Variants in DNER observed in about 807,000 individuals in gnomAD.
DNER encodes delta and Notch-like epidermal growth factor-related receptor.
Under a neutral mutation model 78.2 loss-of-function variants are expected in DNER, and 33 were observed. The observed-to-expected ratio is 0.42, with a 90% CI of 0.32 to 0.56. The LOEUF (loss-of-function observed/expected upper bound fraction) is 0.56. DNER is among the 20% of genes least tolerant of loss of function. The pLI is 0.11. For missense variants in DNER, 918 were observed against 975.3 expected, an observed-to-expected ratio of 0.94 and a Z score of 0.78; for synonymous variants, 417 against 384.8, an observed-to-expected ratio of 1.08 and a Z score of -0.98.
intron 4 of DNER, among the ~76,000 whole-genome samples, chr2:229,563,705 C>CA (rs1697023250): frequency 8.7e-6 from 1 of 115,034 alleles, no homozygotes; most frequent in African/African-American, 3.8e-5. Context: ...CATCATCATC[C>CA]TCCTCACCCC....
At chr2:229,700,293 T>TGC (rs1699723497) in intron 1 of DNER, among the ~76,000 whole-genome samples, 3 of 144,466 alleles carry the variant, frequency 2.1e-5, no homozygotes, top group Non-Finnish European at 3.0e-5. Context: ...TATGTGTGTG[T>TGC]GTGTGTGTGT....
chr2:229,601,536 A>T (rs533497078), intron 1 of DNER, among the ~76,000 whole-genome samples: 42 of 152,352 alleles, frequency 2.8e-4, no homozygotes, highest in African/African-American at 9.6e-4. Flanking sequence ...TCAAAAAATT[A>T]TTCCAAGACT....
chr2:229,432,009 A>G (rs1001710875), intron 8 of DNER, among the ~76,000 whole-genome samples: 1 of 152,102 alleles, frequency 6.6e-6, no homozygotes, highest in Non-Finnish European at 1.5e-5. Context: ...AAAGTGGCCT[A>G]TTTTTCTTAC....
At chr2:229,611,020 C>A (rs1267462417) in intron 1 of DNER, among the ~76,000 whole-genome samples, 1 of 152,256 alleles carries the variant, frequency 6.6e-6, no homozygotes, top group East Asian at 1.9e-4. Flanking sequence ...TTGATGATAC[C>A]ATATCTTACC....
chr2:229,506,750 T>A (rs1295529185), intron 6 of DNER, among the ~76,000 whole-genome samples: 1 of 147,428 alleles, frequency 6.8e-6, no homozygotes, highest in Admixed American at 6.8e-5. Flanking sequence ...TTCCCACCTA[T>A]GAGTGAGAAC....
chr2:229,468,066 G>A (rs772063154), intron 7 of DNER, among the ~76,000 whole-genome samples: 1 of 152,192 alleles, frequency 6.6e-6, no homozygotes, highest in African/African-American at 2.4e-5. Flanking sequence ...AAGGGAAACC[G>A]CCTTTGCAGA....
intron 8 of DNER, among the ~76,000 whole-genome samples, chr2:229,435,497 T>C (rs1237163674): frequency 6.6e-6 from 1 of 152,242 alleles, no homozygotes; most frequent in East Asian, 1.9e-4. Flanking sequence ...CAAAGGTTGA[T>C]TGCCAGGTAC....
At chr2:229,643,382 A>G (rs77499763) in intron 1 of DNER, among the ~76,000 whole-genome samples, 2,517 of 152,290 alleles carry the variant, frequency 0.017, 26 homozygotes, top group East Asian at 0.088. Context: ...GATGTTTGTG[A>G]AAGAAGTCTT....
chr2:229,471,400 G>A (rs898937541), intron 7 of DNER, among the ~76,000 whole-genome samples: 1 of 152,068 alleles, frequency 6.6e-6, no homozygotes, highest in Non-Finnish European at 1.5e-5. Flanking sequence ...TGTTGCAGTG[G>A]AATTTAACCT....
chr2:229,479,712 C>CA lies in DNER; in HGVS notation c.1148-2460dup, dbSNP rs1023070502. 4.8e-3 allele frequency among the ~76,000 whole-genome samples: 381 copies of CA among 79,388 alleles called. 1 individual carries two copies. The highest frequency in any genetic ancestry group is 0.02 in the Middle Eastern group (3 of 152). The allele number at this position is 79,388 out of a possible 152,430, so 52.1% of individuals were successfully genotyped here. On this transcript the variant is annotated intron_variant, in intron 6 of 12. Coordinates refer to ENST00000341772, the MANE Select transcript of DNER (RefSeq NM_139072.4). ...TGGACAATGGAGTGAGACTTTGTCT[C>CA]AAAAAAAAAAAAAAAAAAACAAAAA...
intron 11 of DNER, among the ~76,000 whole-genome samples, chr2:229,368,329 C>T (rs1279117751): frequency 2.6e-5 from 4 of 152,290 alleles, no homozygotes; most frequent in African/African-American, 9.6e-5. Flanking sequence ...CACCAACACA[C>T]TCCAGTCTGG....
At position 229,358,501 on chromosome 2, in the gene DNER, G is replaced by A. The variant is rs1212275498; in HGVS notation, c.*39C>T. 13 of 1,472,256 alleles carry A rather than the reference G, an allele frequency of 8.8e-6. No individual in the cohort carries two copies. The highest frequency in any genetic ancestry group is 3.6e-5 in the Admixed American group (2 of 56,198). 91.2% of individuals were successfully genotyped at this position (1,472,256 alleles called of 1,614,324 possible). ...TTTTCTTAAAAATATTTAAATGAGT[G>A]TAGTATCTCATCTTTTTGAAAAATA... On this transcript the variant is annotated 3_prime_UTR_variant, in exon 13 of 13. Coordinates refer to ENST00000341772, the MANE Select transcript of DNER (RefSeq NM_139072.4).
intron 4 of DNER, among the ~76,000 whole-genome samples, chr2:229,550,239 C>A (rs1238542087): frequency 6.6e-6 from 1 of 151,864 alleles, no homozygotes; most frequent in Non-Finnish European, 1.5e-5. Context: ...GTGATCCTCC[C>A]GCCTCGGCCT....
chr2:229,652,576 G>C (rs1264252207), intron 1 of DNER, among the ~76,000 whole-genome samples: 1 of 152,188 alleles, frequency 6.6e-6, no homozygotes, highest in East Asian at 1.9e-4. Context: ...CAGGTGAGCT[G>C]AAAGAGATAC....
chr2:229,658,453 G>A (rs1197910658), intron 1 of DNER, among the ~76,000 whole-genome samples: 1 of 152,184 alleles, frequency 6.6e-6, no homozygotes. Context: ...TGGGACCCAA[G>A]TGAGACTTCT....
At chr2:229,655,868 C>T (rs1353346018) in intron 1 of DNER, among the ~76,000 whole-genome samples, 1 of 152,000 alleles carries the variant, frequency 6.6e-6, no homozygotes, top group East Asian at 1.9e-4. Context: ...GACACAGCAA[C>T]ACAGGAAAGA....
intron 9 of DNER, among the ~76,000 whole-genome samples, chr2:229,411,924 C>T (rs1010381142): frequency 5.9e-5 from 9 of 152,050 alleles, no homozygotes; most frequent in African/African-American, 1.9e-4. Flanking sequence ...TATTATGGCT[C>T]ATGTTATGTT....
At chr2:229,364,343 G>C (rs1225435940) in intron 12 of DNER, among the ~76,000 whole-genome samples, 1 of 152,012 alleles carries the variant, frequency 6.6e-6, no homozygotes, top group Non-Finnish European at 1.5e-5. Context: ...AACCTCAAAT[G>C]TTAATGAGGT....
intron 6 of DNER, among the ~76,000 whole-genome samples, chr2:229,508,610 G>T (rs147844658): frequency 6.6e-6 from 1 of 152,086 alleles, no homozygotes; most frequent in African/African-American, 2.4e-5. Context: ...GGCTGGGCGC[G>T]GTGGCTCATG....
Sources: allele counts gnomAD v4.1 joint callset (sites outside exome capture counted in the v4.1 genomes callset), GRCh38; gene constraint gnomAD v4.1.1; transcripts MANE v1.5; gene names NCBI Gene and HGNC (gene_info 2026-07-23, HGNC 2026-07-21).